Variants in SH3GL2 observed in about 807,000 individuals in gnomAD.
SH3GL2 encodes the protein SH3 domain containing GRB2 like 2, endophilin A1.
SH3GL2 carries 24 observed loss-of-function variants against 46.0 expected under a neutral mutation model. The ratio of observed to expected loss-of-function variants is 0.52; its 90% CI spans 0.38 to 0.73. SH3GL2 has a LOEUF of 0.73. Ranked by LOEUF, SH3GL2 falls within the 30% of genes least tolerant of loss-of-function variation. The pLI, the probability that SH3GL2 is intolerant of heterozygous loss-of-function variation, is 0.00. For missense variants in SH3GL2, 413 were observed against 424.2 expected (o/e 0.97, Z 0.23); for synonymous variants, 196 against 147.1 (o/e 1.33, Z -2.40).
intron 3 of SH3GL2, among the ~76,000 whole-genome samples, chr9:17,763,708 C>T (rs1472844922): frequency 6.6e-6 from 1 of 152,174 alleles, no homozygotes; most frequent in Non-Finnish European, 1.5e-5. Context: ...CTCTAGAAAA[C>T]TAATCCAGTA....
At chr9:17,767,159 G>T (rs1484606808) in intron 3 of SH3GL2, among the ~76,000 whole-genome samples, 1 of 152,204 alleles carries the variant, frequency 6.6e-6, no homozygotes, top group Non-Finnish European at 1.5e-5. Context: ...CACAGTAGGG[G>T]TTTGTTTCTC....
At chr9:17,632,413 A>G (rs944004626) in intron 1 of SH3GL2, among the ~76,000 whole-genome samples, 1 of 152,154 alleles carries the variant, frequency 6.6e-6, no homozygotes, top group Non-Finnish European at 1.5e-5. Flanking sequence ...TTTATTATGT[A>G]TCTAATCACT....
intron 3 of SH3GL2, among the ~76,000 whole-genome samples, chr9:17,767,287 A>C (rs1017926047): frequency 6.6e-6 from 1 of 152,204 alleles, no homozygotes; most frequent in African/African-American, 2.4e-5. Context: ...ATAATTTCAA[A>C]TCTCATTTGT....
intron 1 of SH3GL2, among the ~76,000 whole-genome samples, chr9:17,740,177 C>T (rs1230136718): frequency 1.3e-5 from 2 of 151,970 alleles, no homozygotes; most frequent in Non-Finnish European, 2.9e-5. Context: ...AGACAAAATG[C>T]CTTTACTCAT....
intron 7 of SH3GL2, among the ~76,000 whole-genome samples, chr9:17,792,388 T>C (rs895405990): frequency 6.6e-6 from 1 of 152,192 alleles, no homozygotes; most frequent in Non-Finnish European, 1.5e-5. Flanking sequence ...CTTTTTTTCC[T>C]CTGAAATATG....
intron 1 of SH3GL2, among the ~76,000 whole-genome samples, chr9:17,693,853 C>T (rs1021763628): frequency 6.6e-6 from 1 of 152,122 alleles, no homozygotes; most frequent in African/African-American, 2.4e-5. Flanking sequence ...TCGTGGTAAC[C>T]ACCCCTGTCT....
At chr9:17,610,704 C>G (rs1405099603) in intron 1 of SH3GL2, among the ~76,000 whole-genome samples, 1 of 149,904 alleles carries the variant, frequency 6.7e-6, no homozygotes. Context: ...CAAAGCCATT[C>G]AAGAAGTACA....
chr9:17,762,363 A>G (rs80201945), intron 3 of SH3GL2, among the ~76,000 whole-genome samples: 1,884 of 151,210 alleles, frequency 0.012, 36 homozygotes, highest in African/African-American at 0.044. Context: ...TTCAGCCCCA[A>G]TGAGTTTGGA....
chr9:17,601,327 G>A (rs1260603637), intron 1 of SH3GL2, among the ~76,000 whole-genome samples: 1 of 152,024 alleles, frequency 6.6e-6, no homozygotes, highest in Non-Finnish European at 1.5e-5. Context: ...AGGGCTTAAT[G>A]TTGAGAGGGT....
chr9:17,779,550 G>T (rs771117055), intron 3 of SH3GL2, among the ~76,000 whole-genome samples: 1 of 152,142 alleles, frequency 6.6e-6, no homozygotes, highest in Non-Finnish European at 1.5e-5. Flanking sequence ...CAAACCCACA[G>T]AGTTGTGAAG....
intron 3 of SH3GL2, among the ~76,000 whole-genome samples, chr9:17,782,554 C>A (rs1307097838): frequency 6.6e-6 from 1 of 152,070 alleles, no homozygotes; most frequent in Admixed American, 6.5e-5. Flanking sequence ...GAATCCTTAA[C>A]ATTTAATTAG....
intron 1 of SH3GL2, among the ~76,000 whole-genome samples, chr9:17,707,789 T>C (rs1043156953): frequency 1.3e-5 from 2 of 152,044 alleles, no homozygotes; most frequent in African/African-American, 4.8e-5. Flanking sequence ...CACGGTCCCT[T>C]ACATAAGCCT....
At chr9:17,723,284 ATATAT>A (rs1464173239) in intron 1 of SH3GL2, among the ~76,000 whole-genome samples, 1 of 152,040 alleles carries the variant, frequency 6.6e-6, no homozygotes, top group Non-Finnish European at 1.5e-5. Context: ...CCAAACTTCA[ATATAT>A]TATATTTTCA....
At chr9:17,679,077 C>G (rs1231961555) in intron 1 of SH3GL2, among the ~76,000 whole-genome samples, 3 of 152,102 alleles carry the variant, frequency 2.0e-5, no homozygotes, top group African/African-American at 4.8e-5. Context: ...ATGCCTCCAG[C>G]TTTGTTCTTT....
intron 1 of SH3GL2, among the ~76,000 whole-genome samples, chr9:17,698,214 T>C (rs1273883010): frequency 6.6e-6 from 1 of 152,198 alleles, no homozygotes; most frequent in African/African-American, 2.4e-5. Context: ...GTCACTTTGG[T>C]CAACATCTTA....
intron 1 of SH3GL2, among the ~76,000 whole-genome samples, chr9:17,647,411 T>TTCTC (rs144759576): frequency 0.77 from 115,050 of 150,354 alleles, 48,338 homozygotes; most frequent in East Asian, 0.96. Context: ...TCTTGTTAGT[T>TTCTC]TCTCTCTCTC....
At chr9:17,602,485 C>G (rs1247254846) in intron 1 of SH3GL2, among the ~76,000 whole-genome samples, 1 of 152,124 alleles carries the variant, frequency 6.6e-6, no homozygotes, top group African/African-American at 2.4e-5. Flanking sequence ...GCCACCTTGC[C>G]TCTTTCACCC....
At chr9:17,757,915 T>A (rs940203815) in intron 2 of SH3GL2, among the ~76,000 whole-genome samples, 9 of 152,164 alleles carry the variant, frequency 5.9e-5, no homozygotes, top group African/African-American at 2.2e-4. Flanking sequence ...TCTCATGGGG[T>A]TATGGCCCTC....
chr9:17,653,882 G>GTAT, intron 1 of SH3GL2: 9 of 976,478 alleles, frequency 9.2e-6, no homozygotes, highest in Non-Finnish European at 1.1e-5. Flanking sequence ...GATGCAGAAG[G>GTAT]TATGTGATGA....
Sources: allele counts gnomAD v4.1 joint callset (sites outside exome capture counted in the v4.1 genomes callset), GRCh38; gene constraint gnomAD v4.1.1; transcripts MANE v1.5; gene names NCBI Gene and HGNC (gene_info 2026-07-23, HGNC 2026-07-21).